CSMD3: variants seen among roughly 807,000 people sequenced by gnomAD.
The protein encoded by CSMD3 is CUB and sushi domain-containing protein 3.
A neutral mutation model predicts 435.2 loss-of-function variants in CSMD3; 177 were observed. The ratio of observed to expected loss-of-function variants is 0.41; its 90% confidence interval spans 0.36 to 0.46. The LOEUF (loss-of-function observed/expected upper bound fraction) is 0.46, where lower values mean the gene tolerates loss of function less well. Among genes scored for constraint, CSMD3 ranks in the 20% least tolerant of loss-of-function variants. The pLI is 0.34. For synonymous variants in CSMD3, 1,656 were observed against 1,520.5 expected (o/e 1.09, Z -2.07); for missense variants, 4,265 against 4,504.6 (o/e 0.95, Z 1.52).
intron 3 of CSMD3, among the ~76,000 whole-genome samples, chr8:113,181,855 G>GAA (rs1248332935): frequency 2.6e-5 from 4 of 152,058 alleles, no homozygotes; most frequent in Admixed American, 2.6e-4. Flanking sequence ...CAGAATAATA[G>GAA]AAAAATATGA....
intron 24 of CSMD3, among the ~76,000 whole-genome samples, chr8:112,559,727 T>C (rs989610290): frequency 1.3e-5 from 2 of 151,892 alleles, no homozygotes; most frequent in East Asian, 1.9e-4. Context: ...AAACCTGATA[T>C]GAACAAATCA....
rs547274132 is a variant in CSMD3 at position 113,270,110 on chromosome 8, T to A, written c.514+8482A>T. ...AGAATCTACAATGAACTCAAACAAA[T>A]TTACAAGAAAAAAACAACCCCATCA... On this transcript the variant is annotated intron_variant, in intron 3 of 70. Transcript: ENST00000297405. Among the ~76,000 whole-genome samples, 427 of 151,880 alleles carry A rather than the reference T, an allele frequency of 2.8e-3. 1 individual carries two copies. Among genetic ancestry groups the A allele is most frequent in the Admixed American group, 5.4e-3 (82 of 15,232 alleles).
intron 24 of CSMD3, among the ~76,000 whole-genome samples, chr8:112,562,204 AT>A (rs1179364137): frequency 6.6e-6 from 1 of 151,728 alleles, no homozygotes; most frequent in Non-Finnish European, 1.5e-5. Context: ...ATTTCTCTCA[AT>A]TTGTTTATGA....
chr8:112,522,464 C>A (rs966776399), intron 27 of CSMD3, among the ~76,000 whole-genome samples: 6 of 151,796 alleles, frequency 4.0e-5, no homozygotes, highest in African/African-American at 1.2e-4. Context: ...TTAAGTAACA[C>A]GTCCTTATCA....
intron 10 of CSMD3, among the ~76,000 whole-genome samples, chr8:112,904,459 T>C (rs147852962): frequency 0.011 from 1,624 of 151,562 alleles, 17 homozygotes; most frequent in Non-Finnish European, 0.018. Flanking sequence ...TAACAATACC[T>C]ATAGGTCATA....
intron 13 of CSMD3, among the ~76,000 whole-genome samples, chr8:112,789,365 CAG>C (rs2078630497): frequency 6.6e-6 from 1 of 151,964 alleles, no homozygotes; most frequent in Admixed American, 6.6e-5. Context: ...AAAAGAAATG[CAG>C]AGACTACTTA....
At chr8:113,056,129 C>A (rs1363140923) in intron 5 of CSMD3, among the ~76,000 whole-genome samples, 2 of 152,180 alleles carry the variant, frequency 1.3e-5, no homozygotes, top group Non-Finnish European at 2.9e-5. Flanking sequence ...AGAAAGGATG[C>A]ACCCCCACTC....
chr8:113,291,448 T>C (rs537322479), intron 2 of CSMD3, among the ~76,000 whole-genome samples: 1 of 152,034 alleles, frequency 6.6e-6, no homozygotes, highest in East Asian at 1.9e-4. Context: ...GAAAATTGCA[T>C]GTTTCTTTGA....
At chr8:112,775,607 A>T (rs1265733355) in intron 13 of CSMD3, among the ~76,000 whole-genome samples, 1 of 151,948 alleles carries the variant, frequency 6.6e-6, no homozygotes, top group Non-Finnish European at 1.5e-5. Context: ...AAGCAGGCAA[A>T]ATAAATCAAT....
intron 9 of CSMD3, among the ~76,000 whole-genome samples, chr8:112,939,045 C>G (rs62514564): frequency 0.043 from 6,518 of 152,130 alleles, 193 homozygotes; most frequent in Non-Finnish European, 0.059. Context: ...TATATCACCT[C>G]TTAATTCAAT....
At chr8:113,349,915 T>C (rs1007600202) in intron 1 of CSMD3, among the ~76,000 whole-genome samples, 3 of 152,032 alleles carry the variant, frequency 2.0e-5, no homozygotes. Context: ...ACTTGCTTTT[T>C]CCAATAGAAT....
At chr8:113,238,767 C>G (rs1307084786) in intron 3 of CSMD3, among the ~76,000 whole-genome samples, 1 of 152,138 alleles carries the variant, frequency 6.6e-6, no homozygotes, top group African/African-American at 2.4e-5. Flanking sequence ...TAGCACTTTT[C>G]TATATGTGAT....
chr8:113,064,710 T>C lies in CSMD3; in HGVS notation c.917+34046A>G, dbSNP rs555274718. Among the ~76,000 whole-genome samples, 202 of 152,328 alleles carry C rather than the reference T, an allele frequency of 1.3e-3. 6 individuals carry two copies. Among genetic ancestry groups the C allele is most frequent in the Non-Finnish European group, 1.1e-3 (77 of 68,014 alleles). ...TTCTTTGTAACTCCATGTTCAGTGA[T>C]AGCAGGTTAGTAGCTTGGTTGATCA... On this transcript the variant is annotated intron_variant, in intron 5 of 70. Transcript: ENST00000297405.
chr8:112,322,078 C>T (rs755192384), intron 45 of CSMD3, among the ~76,000 whole-genome samples: 7 of 152,028 alleles, frequency 4.6e-5, no homozygotes, highest in Non-Finnish European at 7.4e-5. Flanking sequence ...CTGATCTTAC[C>T]AGAGAATAGA....
chr8:112,563,887 A>G (rs1249632654), intron 24 of CSMD3, among the ~76,000 whole-genome samples: 1 of 151,994 alleles, frequency 6.6e-6, no homozygotes, highest in East Asian at 1.9e-4. Flanking sequence ...TCCGATGGGT[A>G]ATGTGCAGAC....
chr8:112,590,287 A>G (rs1327526859), intron 22 of CSMD3, among the ~76,000 whole-genome samples: 1 of 152,134 alleles, frequency 6.6e-6, no homozygotes, highest in African/African-American at 2.4e-5. Flanking sequence ...GAAAGCATAT[A>G]ACTGAGAGCC....
At chr8:113,238,507 A>C (rs2093175528) in intron 3 of CSMD3, among the ~76,000 whole-genome samples, 2 of 152,130 alleles carry the variant, frequency 1.3e-5, no homozygotes. Flanking sequence ...AGGCAGTATC[A>C]GGCAGGAGAG....
chr8:112,681,925 T>C (rs1460837102), intron 16 of CSMD3, among the ~76,000 whole-genome samples: 1 of 152,080 alleles, frequency 6.6e-6, no homozygotes. Flanking sequence ...TATATATGCC[T>C]TGAACCTTGT....
intron 13 of CSMD3, among the ~76,000 whole-genome samples, chr8:112,743,399 A>C (rs2077357544): frequency 6.6e-6 from 1 of 151,968 alleles, no homozygotes; most frequent in Admixed American, 6.6e-5. Context: ...TGTTTTAATT[A>C]ATAGCAAGAG....
Sources: gnomAD v4.1 joint callset for allele counts (sites outside exome capture counted in the v4.1 genomes callset) on GRCh38, gnomAD v4.1.1 for gene constraint, MANE v1.5 for transcripts, NCBI Gene and HGNC (gene_info 2026-07-23, HGNC 2026-07-21) for gene names.